The following NKAIN2 variants were observed in gnomAD, a reference collection of about 807,000 sequenced individuals.
NKAIN2 encodes the protein sodium/potassium-transporting ATPase subunit beta-1-interacting protein 2.
A neutral mutation model predicts 32.6 loss-of-function variants in NKAIN2; 14 were observed. The ratio of observed to expected loss-of-function variants is 0.43; its 90% CI spans 0.28 to 0.67. The LOEUF (loss-of-function observed/expected upper bound fraction) is 0.67, where lower values mean the gene tolerates loss of function less well. Among genes scored for constraint, NKAIN2 ranks in the 30% least tolerant of loss-of-function variants. The pLI, the probability that NKAIN2 is intolerant of heterozygous loss-of-function variation, is 0.17. For synonymous variants in NKAIN2, 80 were observed against 87.2 expected, an observed-to-expected ratio of 0.92 and a Z score of 0.46; for missense variants, 198 against 258.3, an observed-to-expected ratio of 0.77 and a Z score of 1.60.
At chr6:124,068,592 G>C (rs761393606) in intron 1 of NKAIN2, among the ~76,000 whole-genome samples, 1 of 151,802 alleles carries the variant, frequency 6.6e-6, no homozygotes, top group Non-Finnish European at 1.5e-5. Flanking sequence ...TTCCATCTTT[G>C]CTTGTATTTT....
At chr6:124,362,844 T>A (rs1799348369) in intron 3 of NKAIN2, among the ~76,000 whole-genome samples, 1 of 152,164 alleles carries the variant, frequency 6.6e-6, no homozygotes. Context: ...TTATTATTAT[T>A]ATTTTTTTGA....
chr6:124,145,961 A>G (rs1470557140), intron 1 of NKAIN2, among the ~76,000 whole-genome samples: 1 of 152,158 alleles, frequency 6.6e-6, no homozygotes, highest in African/African-American at 2.4e-5. Flanking sequence ...GAGTAGGTAC[A>G]TGAAACTATA....
chr6:123,892,918 G>A (rs113154995), intron 1 of NKAIN2, among the ~76,000 whole-genome samples: 3 of 151,162 alleles, frequency 2.0e-5, no homozygotes, highest in South Asian at 2.1e-4. Flanking sequence ...CAATCATCAC[G>A]TATTTTTTTC....
chr6:124,267,033 A>G (rs1335999655), intron 1 of NKAIN2, among the ~76,000 whole-genome samples: 1 of 151,716 alleles, frequency 6.6e-6, no homozygotes, highest in Admixed American at 6.6e-5. Flanking sequence ...ACATTCTTAG[A>G]AACTTTCAAC....
chr6:124,663,051 T>TA (rs1784803931), intron 4 of NKAIN2, among the ~76,000 whole-genome samples: 1 of 152,140 alleles, frequency 6.6e-6, no homozygotes, highest in Admixed American at 6.6e-5. Context: ...TTATTTGAAT[T>TA]AAAAAATAAA....
At chr6:123,836,518 A>G (rs1774631295) in intron 1 of NKAIN2, among the ~76,000 whole-genome samples, 1 of 152,064 alleles carries the variant, frequency 6.6e-6, no homozygotes, top group Non-Finnish European at 1.5e-5. Flanking sequence ...ATACCTGAAC[A>G]GTTGTCTTAA....
At chr6:124,211,350 A>G (rs1791166180) in intron 1 of NKAIN2, among the ~76,000 whole-genome samples, 1 of 151,896 alleles carries the variant, frequency 6.6e-6, no homozygotes, top group Admixed American at 6.6e-5. Flanking sequence ...ACATAACTGA[A>G]ATAGACTTTA....
At chr6:124,760,582 T>C (rs1329453037) in intron 4 of NKAIN2, among the ~76,000 whole-genome samples, 1 of 152,056 alleles carries the variant, frequency 6.6e-6, no homozygotes, top group East Asian at 1.9e-4. Flanking sequence ...ATTAATCAGC[T>C]GTGGCCAATA....
chr6:124,165,983 G>T (rs1788519145), intron 1 of NKAIN2, among the ~76,000 whole-genome samples: 1 of 105,498 alleles, frequency 9.5e-6, no homozygotes, highest in African/African-American at 3.8e-5. Context: ...ACATACGTGT[G>T]CATGTGTCTT....
chr6:124,214,671 A>G (rs1791374555), intron 1 of NKAIN2, among the ~76,000 whole-genome samples: 1 of 152,158 alleles, frequency 6.6e-6, no homozygotes, highest in South Asian at 2.1e-4. Flanking sequence ...ACTGCATTCC[A>G]TCCTGGGCAA....
At chr6:124,485,819 C>A (rs866538796) in intron 3 of NKAIN2, among the ~76,000 whole-genome samples, 3 of 152,240 alleles carry the variant, frequency 2.0e-5, no homozygotes, top group Middle Eastern at 6.8e-3. Context: ...AGGTTGATCC[C>A]AAAGTTTCCC....
At chr6:123,875,267 C>T (rs9372761) in intron 1 of NKAIN2, among the ~76,000 whole-genome samples, 85,506 of 151,636 alleles carry the variant, frequency 0.56, 24,380 homozygotes, top group East Asian at 0.68. Context: ...TTGGTTAAAA[C>T]GTATGAACAT....
chr6:124,784,574 T>A (rs977581399), intron 4 of NKAIN2, among the ~76,000 whole-genome samples: 1 of 152,170 alleles, frequency 6.6e-6, no homozygotes, highest in Non-Finnish European at 1.5e-5. Context: ...TTCCTTTTTC[T>A]TGCTGAGTAA....
intron 1 of NKAIN2, among the ~76,000 whole-genome samples, chr6:124,200,034 T>TA (rs2114621486): frequency 6.6e-6 from 1 of 152,266 alleles, no homozygotes; most frequent in Admixed American, 6.5e-5. Context: ...GAAAATTAGC[T>TA]AAAAATAATC....
Position 124,283,040 on chromosome 6 carries a change from T to C in NKAIN2, c.90T>C (p.Leu30=), listed in dbSNP as rs781332766. 9 of 1,613,384 alleles carry C rather than the reference T, an allele frequency of 5.6e-6. No homozygotes were observed. The Admixed American group carries it at 1.5e-4, about 27-fold the overall frequency. Residue 30 remains leucine (L), a synonymous_variant, in exon 2 of 7, where the codon CTT becomes CTC. Transcript: ENST00000368417. ...TGGAGAGGCAAATATTTGACTTCCT[T>C]GGATATCAGTGGGCACCTATCCTGG... ...CVLERQIFDF[L]GYQWAPILAN... is the part of the protein sequence containing the mutation.
chr6:124,250,607 T>G (rs990586294), intron 1 of NKAIN2, among the ~76,000 whole-genome samples: 3 of 152,038 alleles, frequency 2.0e-5, no homozygotes, highest in Non-Finnish European at 2.9e-5. Context: ...AAAATTATCT[T>G]GCTAGCATTT....
chr6:124,435,419 A>C (rs1044292029), intron 3 of NKAIN2, among the ~76,000 whole-genome samples: 1 of 152,196 alleles, frequency 6.6e-6, no homozygotes, highest in African/African-American at 2.4e-5. Flanking sequence ...CATCATAGCT[A>C]ATGTTAAATG....
chr6:124,076,042 G>A (rs1167071438), intron 1 of NKAIN2, among the ~76,000 whole-genome samples: 2 of 152,240 alleles, frequency 1.3e-5, no homozygotes, highest in African/African-American at 2.4e-5. Flanking sequence ...CTCTCTGTGA[G>A]ATTAACATTT....
At chr6:124,701,383 A>G (rs988655451) in intron 4 of NKAIN2, among the ~76,000 whole-genome samples, 1 of 152,104 alleles carries the variant, frequency 6.6e-6, no homozygotes, top group Non-Finnish European at 1.5e-5. Context: ...ATCTGTCCAT[A>G]TGAGTTTTAT....
Sources: gnomAD v4.1 joint callset for allele counts (sites outside exome capture counted in the v4.1 genomes callset) on GRCh38, gnomAD v4.1.1 for gene constraint, MANE v1.5 for transcripts, NCBI Gene and HGNC (gene_info 2026-07-23, HGNC 2026-07-21) for gene names.